Variants in SNAPC5 observed in about 807,000 individuals in gnomAD.
SNAPC5 encodes the protein small nuclear RNA activating complex polypeptide 5, also known as snRNA-activating protein complex subunit 5.
A neutral mutation model predicts 9.1 loss-of-function variants in SNAPC5; 12 were observed. That is an observed-to-expected ratio of 1.32 (90% CI 0.85 to 2.15). The LOEUF (loss-of-function observed/expected upper bound fraction) is 2.15, where lower values mean the gene tolerates loss of function less well. SNAPC5 is among the 30% of genes most tolerant of loss of function. SNAPC5 has a pLI of 0.00. For synonymous variants in SNAPC5, 52 were observed against 47.3 expected, an observed-to-expected ratio of 1.10 and a Z score of -0.41; for missense variants, 132 against 114.4, an observed-to-expected ratio of 1.15 and a Z score of -0.70.
At chr15:66,497,601 G>A (rs1272909039) in intron 1 of SNAPC5, 41 bp downstream of exon 1, 1 of 1,572,098 alleles carries the variant, frequency 6.4e-7, no homozygotes, top group African/African-American at 1.3e-5. Flanking sequence ...ATGGTCGCTC[G>A]GGAGGAATGG....
chr15:66,492,984 A>G (rs185736808), downstream of SNAPC5, among the ~76,000 whole-genome samples: 51 of 152,316 alleles, frequency 3.3e-4, no homozygotes, highest in Middle Eastern at 3.4e-3. Flanking sequence ...ATTTTAAATT[A>G]GACCCCCAAA....
intron 2 of SNAPC5, chr15:66,494,971 C>G (rs958544895): frequency 2.9e-6 from 1 of 348,540 alleles, no homozygotes; most frequent in Non-Finnish European, 5.4e-6. Context: ...GTGCCTTGTA[C>G]TTGAAGCCAC....
chr15:66,489,964 T>C (rs1893190288), downstream of SNAPC5: 1 of 644,266 alleles, frequency 1.6e-6, no homozygotes, highest in Non-Finnish European at 2.8e-6. Context: ...CCCCGCAGCC[T>C]GAGTAAGCAT....
At chr15:66,490,745 T>G, downstream of SNAPC5, 1 of 736,482 alleles carries the variant, frequency 1.4e-6, no homozygotes. Context: ...GAACACAGCA[T>G]GTGCCAAGAT....
rs143176301 is a variant in SNAPC5 at position 66,497,697 on chromosome 15, T to A, written c.35A>T (p.Glu12Val). 6.9e-4 allele frequency: 1,106 copies of A among 1,613,744 alleles called. 3 individuals are homozygous for A. The Middle Eastern group carries it at 0.013, about 19-fold the overall frequency. ...TGCCTTCAACCGCAGCAGCGTCTCC[T>A]CCTCCTTGCGCAGTTCCTGAAGCCG... is the stretch of plus-strand genomic sequence containing the variant. ...LSRLQELRKEEETLLRLKAAL... is the reference protein window; with the variant it reads ...LSRLQELRKEVETLLRLKAAL... Residue 12 changes from glutamate (E) to valine (V), a missense_variant, in exon 1 of 3, where the codon GAG becomes GTG. Glu to Val is a moderately radical substitution (Grantham distance 121). Coordinates refer to ENST00000316634, the MANE Select transcript of SNAPC5 (RefSeq NM_001329615.2).
chr15:66,491,384 A>C (rs896441986), downstream of SNAPC5: 2 of 232,090 alleles, frequency 8.6e-6, no homozygotes, highest in Non-Finnish European at 8.5e-6. Flanking sequence ...TGTCGGATTT[A>C]TCTTTCCCCA....
At chr15:66,497,588 G>C in intron 1 of SNAPC5, 54 bp downstream of exon 1, 1 of 1,518,944 alleles carries the variant, frequency 6.6e-7, no homozygotes, top group South Asian at 1.1e-5. Flanking sequence ...AGGTTGGGGG[G>C]AAATGGTCGC....
chr15:66,494,561 G>A lies in SNAPC5; in HGVS notation c.181-9C>T. The A allele has an allele frequency of 1.3e-6, 2 of 1,588,728 alleles. No homozygotes were observed. Among genetic ancestry groups the A allele is most frequent in the Non-Finnish European group, 1.7e-6 (2 of 1,158,234 alleles). On this transcript the variant is annotated splice_polypyrimidine_tract_variant and intron_variant, in intron 2 of 2. Transcript: ENST00000316634. ...TCTACATGCACCAACATCTGTATTG[G>A]CCAAGGGCATCACAGATTAGCAGGA...
chr15:66,496,135 A>G (rs1893425704), intron 1 of SNAPC5, among the ~76,000 whole-genome samples: 1 of 151,598 alleles, frequency 6.6e-6, no homozygotes, highest in Admixed American at 6.6e-5. Flanking sequence ...CCTTTTACAA[A>G]GGGCTTTGGT....
chr15:66,497,516 G>A (rs763942428), intron 1 of SNAPC5, 126 bp downstream of exon 1: 8 of 832,678 alleles, frequency 9.6e-6, no homozygotes, highest in Admixed American at 1.8e-5. Flanking sequence ...CTCTAAATTG[G>A]CGCCACCACA....
downstream of SNAPC5, chr15:66,490,678 C>T (rs767930298): frequency 8.4e-6 from 10 of 1,184,574 alleles, no homozygotes; most frequent in South Asian, 6.1e-5. Context: ...GCTTTTGGGC[C>T]TCCTTCCCAT....
chr15:66,491,036 C>G, downstream of SNAPC5: 1 of 403,886 alleles, frequency 2.5e-6, no homozygotes, highest in South Asian at 2.6e-5. Context: ...TAGGAGGGAG[C>G]CTTGTGAGAT....
downstream of SNAPC5, chr15:66,490,868 C>T (rs546295504): frequency 1.8e-6 from 1 of 553,844 alleles, no homozygotes; most frequent in Admixed American, 2.8e-5. Flanking sequence ...ATGATCAAAA[C>T]CTGTGCCAGG....
downstream of SNAPC5, among the ~76,000 whole-genome samples, chr15:66,492,610 TAGA>T (rs1893291087): frequency 6.6e-6 from 1 of 152,332 alleles, no homozygotes; most frequent in South Asian, 2.1e-4. Flanking sequence ...ACTACATCCT[TAGA>T]AGAAATGTTA....
downstream of SNAPC5, chr15:66,490,051 C>T (rs1893194482): frequency 1.8e-6 from 1 of 561,556 alleles, no homozygotes; most frequent in Admixed American, 3.1e-5. Context: ...GCGGCCTTTC[C>T]CTAATACTGA....
At chr15:66,491,833 A>G, downstream of SNAPC5, 1 of 405,782 alleles carries the variant, frequency 2.5e-6, no homozygotes, top group South Asian at 1.8e-5. Context: ...ATACAAGGGA[A>G]AAGCAGCTGA....
rs771038615 is a variant in SNAPC5 at position 66,493,680 on chromosome 15, C to CAA, written c.*754_*755dup. 2.6e-5 allele frequency: 4 copies of CAA among 151,962 alleles called. No homozygotes were observed. Among genetic ancestry groups the CAA allele is most frequent in the Non-Finnish European group, 4.4e-5 (3 of 67,948 alleles). The allele number at this position is 151,962 out of a possible 1,614,324, so 9.4% of individuals were successfully genotyped here. On this transcript the variant is annotated 3_prime_UTR_variant, in exon 3 of 3. Transcript: ENST00000316634. ...AAACAAAACAAAACAAAAAACAAAACAAAAAATCCAGTCTTCCAAGCATGG... is the reference window on the plus strand; with the variant it reads ...AAACAAAACAAAACAAAAAACAAAACAAAAAAAATCCAGTCTTCCAAGCATGG...
downstream of SNAPC5, chr15:66,490,576 T>A (rs758866695): frequency 6.2e-7 from 1 of 1,614,194 alleles, no homozygotes; most frequent in East Asian, 2.2e-5. Context: ...CCATCGGCCT[T>A]AACCAGCCCA....
At chr15:66,489,768 G>A (rs1893180118), downstream of SNAPC5, 1 of 1,612,020 alleles carries the variant, frequency 6.2e-7, no homozygotes, top group African/African-American at 1.3e-5. Context: ...CTCATGGTGA[G>A]TCTATTTATT....
Sources: gnomAD v4.1 joint callset for allele counts (sites outside exome capture counted in the v4.1 genomes callset) on GRCh38, gnomAD v4.1.1 for gene constraint, MANE v1.5 for transcripts, NCBI Gene and HGNC (gene_info 2026-07-23, HGNC 2026-07-21) for gene names.